The following ABR variants were observed in gnomAD, a reference collection of about 807,000 sequenced individuals.
The protein encoded by ABR is ABR activator of RhoGEF and GTPase.
In ABR, 35 loss-of-function variants were observed where a neutral mutation model predicts 107.2. The ratio of observed to expected loss-of-function variants is 0.33; its 90% CI spans 0.25 to 0.43. The LOEUF (loss-of-function observed/expected upper bound fraction) is 0.43. Ranked by LOEUF, ABR falls within the 20% of genes least tolerant of loss-of-function variation. The pLI, the probability that ABR is intolerant of heterozygous loss-of-function variation, is 1.00. For missense variants in ABR, 815 were observed against 1,115.2 expected (o/e 0.73, Z 3.83); for synonymous variants, 498 against 462.0 (o/e 1.08, Z -1.00).
At chr17:1,109,387 G>A (rs1413681562) in intron 2 of ABR, among the ~76,000 whole-genome samples, 1 of 151,930 alleles carries the variant, frequency 6.6e-6, no homozygotes, top group Non-Finnish European at 1.5e-5. Flanking sequence ...GCCCCGCAGG[G>A]CCCGCCCTTC....
intron 6 of ABR, among the ~76,000 whole-genome samples, chr17:1,075,770 GGTGGC>G (rs2035651692): frequency 6.6e-6 from 1 of 152,150 alleles, no homozygotes; most frequent in South Asian, 2.1e-4. Context: ...GGCCGGGCAG[GGTGGC>G]TCACGCCTGT....
chr17:1,067,137 G>A lies in ABR; in HGVS notation c.1122C>T (p.Asp374=), dbSNP rs751551730. 4 of 1,613,904 alleles carry A rather than the reference G, an allele frequency of 2.5e-6. No individual in the cohort carries two copies. Among genetic ancestry groups the A allele is most frequent in the Non-Finnish European group, 3.4e-6 (4 of 1,179,974 alleles). Residue 374 remains aspartate (D), a synonymous_variant, in exon 10 of 23, where the codon GAC becomes GAT. Coordinates refer to ENST00000302538, the MANE Select transcript of ABR (RefSeq NM_021962.5). ...TCATCTTCATGTCCTCCAGCTCATG[G>A]TCTGGGAAGGGGTGCACCTGGGGGC... is the stretch of plus-strand genomic sequence containing the variant. The part of the protein sequence containing the change: ...EASPQVHPFP[D]HELEDMKMKI...
chr17:1,174,901 G>A (rs372722335), intron 1 of ABR, among the ~76,000 whole-genome samples: 19 of 152,080 alleles, frequency 1.2e-4, no homozygotes, highest in Admixed American at 3.3e-4. Context: ...TGGGGCACAC[G>A]TATGTCTTGA....
chr17:1,199,706 G>C (rs1488427964), intron 1 of ABR, among the ~76,000 whole-genome samples: 1 of 152,230 alleles, frequency 6.6e-6, no homozygotes, highest in South Asian at 2.1e-4. Context: ...ACCCACCTCA[G>C]CTGCCCAAAG....
chr17:1,096,721 G>A (rs1208730641), intron 3 of ABR, among the ~76,000 whole-genome samples: 1 of 151,354 alleles, frequency 6.6e-6, no homozygotes, highest in Non-Finnish European at 1.5e-5. Flanking sequence ...TGGGGAAGGG[G>A]GGGAACCTGC....
At chr17:1,043,474 A>C (rs569930104) in intron 16 of ABR, among the ~76,000 whole-genome samples, 2 of 152,078 alleles carry the variant, frequency 1.3e-5, no homozygotes, top group African/African-American at 2.4e-5. Flanking sequence ...CGGCCCCTAA[A>C]ATTTATTAAA....
At chr17:1,142,977 AC>A (rs2040354725) in intron 1 of ABR, among the ~76,000 whole-genome samples, 1 of 144,764 alleles carries the variant, frequency 6.9e-6, no homozygotes, top group Non-Finnish European at 1.5e-5. Flanking sequence ...CTCCTGGGGG[AC>A]AGCTCGCTCC....
At position 1,084,842 on chromosome 17, in the gene ABR, C is replaced by G. The variant is rs1457218527; in HGVS notation, c.532-1215G>C. Reference sequence around the variant, plus strand: ...TTTTGTTTTGAGATGGAGTTTCGCTCTTGTTGCCCAGGCTGCAGTACAGTG... The same window carrying G: ...TTTTGTTTTGAGATGGAGTTTCGCTGTTGTTGCCCAGGCTGCAGTACAGTG... On this transcript the variant is annotated intron_variant, in intron 4 of 22. Coordinates refer to ENST00000302538, the MANE Select transcript of ABR (RefSeq NM_021962.5). The surrounding 1 kb of genome is among the most constrained non-coding windows in gnomAD (Gnocchi z 4.2). Among the ~76,000 whole-genome samples the G allele has an allele frequency of 6.6e-6, 1 of 152,182 alleles. No individual in the cohort carries two copies. Among genetic ancestry groups the G allele is most frequent in the East Asian group, 1.9e-4 (1 of 5,198 alleles).
intron 1 of ABR, among the ~76,000 whole-genome samples, chr17:1,153,400 TGCGGG>T (rs2040884046): frequency 6.7e-6 from 1 of 149,334 alleles, no homozygotes; most frequent in Admixed American, 6.7e-5. Context: ...CAGGCACACC[TGCGGG>T]AGGGCTGGGG....
chr17:1,089,805 C>T (rs1224366403), intron 4 of ABR, among the ~76,000 whole-genome samples: 3 of 152,112 alleles, frequency 2.0e-5, no homozygotes, highest in African/African-American at 7.2e-5. Context: ...ACTAAAAATA[C>T]AAAAATTAGC....
At chr17:1,192,117 T>C (rs2042449429), upstream of ABR, among the ~76,000 whole-genome samples, 1 of 152,104 alleles carries the variant, frequency 6.6e-6, no homozygotes, top group African/African-American at 2.4e-5. Flanking sequence ...GGAAGTTTAA[T>C]GGGTTTTCAG....
Position 1,066,731 on chromosome 17 carries a change from G to T in ABR, c.1182+346C>A, listed in dbSNP as rs1248121576. On this transcript the variant is annotated intron_variant, in intron 10 of 22. Transcript: ENST00000302538. ...TTTAGTAGAGACAGGGTTTTGCCATGTTGGCCAGGCTGGTCTCGAACTCCT... is the reference window on the plus strand; with the variant it reads ...TTTAGTAGAGACAGGGTTTTGCCATTTTGGCCAGGCTGGTCTCGAACTCCT... Among the ~76,000 whole-genome samples the T allele has an allele frequency of 3.3e-5, 5 of 152,236 alleles. No homozygotes were observed. In the East Asian group the frequency reaches 9.7e-4, roughly 29 times the overall value.
At chr17:1,191,941 G>A (rs534851843), upstream of ABR, among the ~76,000 whole-genome samples, 1 of 152,198 alleles carries the variant, frequency 6.6e-6, no homozygotes, top group South Asian at 2.1e-4. Context: ...CCTGAATCCA[G>A]CTGCTGGTTC....
At chr17:1,047,780 A>G (rs977222711) in intron 16 of ABR, among the ~76,000 whole-genome samples, 1 of 151,934 alleles carries the variant, frequency 6.6e-6, no homozygotes, top group South Asian at 2.1e-4. Flanking sequence ...CCTGTCTCCA[A>G]GAGGCTTGCA....
chr17:1,112,279 G>A (rs915268805), intron 2 of ABR, among the ~76,000 whole-genome samples: 1 of 152,224 alleles, frequency 6.6e-6, no homozygotes, highest in East Asian at 1.9e-4. Flanking sequence ...GTGAACACAC[G>A]AGGCAGTGTT....
intron 1 of ABR, chr17:1,153,663 G>A (rs1555606703): frequency 1.8e-4 from 14 of 75,816 alleles, no homozygotes; most frequent in African/African-American, 3.4e-4. Context: ...AGGCACACCT[G>A]CGGGAGGGCT....
At chr17:1,094,466 G>A (rs1458739737) in intron 3 of ABR, among the ~76,000 whole-genome samples, 1 of 151,748 alleles carries the variant, frequency 6.6e-6, no homozygotes, top group African/African-American at 2.4e-5. Flanking sequence ...CGCCTCCCAG[G>A]TTCAAGCGAT....
upstream of ABR, among the ~76,000 whole-genome samples, chr17:1,180,223 C>A (rs939241554): frequency 2.3e-4 from 35 of 152,168 alleles, no homozygotes; most frequent in Admixed American, 1.6e-3. Flanking sequence ...CCTCGTCCCC[C>A]CCGCGCCGGG....
chr17:1,078,314 G>T lies in ABR; in HGVS notation c.700+1016C>A, dbSNP rs1483795726. ...GCATGTGCGCGGAGCACACAATACC[G>T]TGCCGCCCAGCCTCCGCGCCTCTCT... On this transcript the variant is annotated intron_variant, in intron 6 of 22. Coordinates refer to ENST00000302538, the MANE Select transcript of ABR (RefSeq NM_021962.5). The surrounding 1 kb of genome is among the most constrained non-coding windows in gnomAD (Gnocchi z 7.5). Among the ~76,000 whole-genome samples the T allele has an allele frequency of 1.3e-5, 2 of 152,064 alleles. No individual in the cohort carries two copies. Among genetic ancestry groups the T allele is most frequent in the African/African-American group, 4.8e-5 (2 of 41,402 alleles).
Sources: allele counts gnomAD v4.1 joint callset (sites outside exome capture counted in the v4.1 genomes callset), GRCh38; gene constraint gnomAD v4.1.1; non-coding constraint Gnocchi (gnomAD v3.1); transcripts MANE v1.5; gene names NCBI Gene and HGNC (gene_info 2026-07-23, HGNC 2026-07-21).